The following PRKAG2 variants were observed in gnomAD, a reference collection of about 807,000 sequenced individuals.
The protein encoded by PRKAG2 is 5'-AMP-activated protein kinase subunit gamma-2.
In PRKAG2, 26 loss-of-function variants were observed where a neutral mutation model predicts 69.6. The ratio of observed to expected loss-of-function variants is 0.37; its 90% CI spans 0.27 to 0.52. PRKAG2 has a LOEUF of 0.52. PRKAG2 is among the 20% of genes least tolerant of loss of function. PRKAG2 has a pLI of 0.90. For synonymous variants in PRKAG2, 293 were observed against 285.0 expected (o/e 1.03, Z -0.28); for missense variants, 557 against 740.0 (o/e 0.75, Z 2.87).
intron 6 of PRKAG2, among the ~76,000 whole-genome samples, chr7:151,594,194 T>C (rs1387873654): frequency 6.6e-6 from 1 of 152,236 alleles, no homozygotes; most frequent in Non-Finnish European, 1.5e-5. Flanking sequence ...GGGCCCTTGC[T>C]GGGTGTCTTC....
intron 5 of PRKAG2, among the ~76,000 whole-genome samples, chr7:151,597,820 G>GT (rs796251222): frequency 8.0e-6 from 1 of 124,806 alleles, no homozygotes; most frequent in Non-Finnish European, 1.6e-5. Flanking sequence ...ACAAAAGGGA[G>GT]CCCCCCCCCC....
intron 3 of PRKAG2, among the ~76,000 whole-genome samples, chr7:151,738,444 A>G (rs541975262): frequency 3.3e-5 from 5 of 152,406 alleles, no homozygotes; most frequent in African/African-American, 1.2e-4. Flanking sequence ...AAAACTGGCC[A>G]TAAACAAAAT....
intron 1 of PRKAG2, among the ~76,000 whole-genome samples, chr7:151,871,927 C>A (rs1316474263): frequency 1.3e-5 from 2 of 152,164 alleles, no homozygotes; most frequent in Non-Finnish European, 2.9e-5. Context: ...CCGAGGAGGC[C>A]ACCAAATGAC....
intron 1 of PRKAG2, among the ~76,000 whole-genome samples, chr7:151,832,404 A>G (rs901032483): frequency 9.9e-5 from 15 of 152,158 alleles, no homozygotes; most frequent in African/African-American, 3.4e-4. Context: ...CAGTGTTCAC[A>G]GTGCCTTCCC....
intron 4 of PRKAG2, among the ~76,000 whole-genome samples, chr7:151,651,359 C>A (rs376117742): frequency 7.2e-5 from 11 of 152,314 alleles, no homozygotes; most frequent in African/African-American, 2.6e-4. Flanking sequence ...GTAATCCCAG[C>A]ACTTTGGGAG....
chr7:151,615,302 T>C (rs1819842549), intron 5 of PRKAG2, among the ~76,000 whole-genome samples: 1 of 152,250 alleles, frequency 6.6e-6, no homozygotes, highest in Admixed American at 6.5e-5. Context: ...TTTGATTCCA[T>C]GTCTTTGCTA....
chr7:151,769,843 G>A (rs1393775746), intron 3 of PRKAG2, among the ~76,000 whole-genome samples: 1 of 152,200 alleles, frequency 6.6e-6, no homozygotes, highest in Non-Finnish European at 1.5e-5. Flanking sequence ...CATAGAGTGG[G>A]CACCTAACCT....
chr7:151,736,201 CCA>C, intron 3 of PRKAG2: 7 of 1,407,796 alleles, frequency 5.0e-6, no homozygotes, highest in Admixed American at 2.9e-5. Context: ...CACCGCAGCC[CCA>C]GAGTCTGTGA....
intron 3 of PRKAG2, among the ~76,000 whole-genome samples, chr7:151,698,821 A>G (rs906759615): frequency 2.0e-5 from 3 of 152,204 alleles, no homozygotes; most frequent in Non-Finnish European, 2.9e-5. Flanking sequence ...TTTTGAGGGA[A>G]TCCACATTAC....
chr7:151,807,343 T>C lies in PRKAG2; in HGVS notation c.115-20802A>G. The C allele has an allele frequency of 4.5e-6, 2 of 446,140 alleles. No individual in the cohort carries two copies. The highest frequency in any genetic ancestry group is 9.2e-6 in the Non-Finnish European group (2 of 218,068). The allele number at this position is 446,140 out of a possible 1,614,324, so 27.6% of individuals were successfully genotyped here. A position where few individuals can be genotyped will look rare whatever the true frequency, so the allele number is the denominator to read the frequency against. ...GGGAAAATGCCTATATTAAGAATCC[T>C]GGAATACTCCATGTGCTTTTTCATG... On this transcript the variant is annotated intron_variant, in intron 1 of 15. Transcript: ENST00000287878. This position sits in a 1 kb window ranked among gnomAD's most constrained non-coding sequence, Gnocchi z 4.4.
intron 5 of PRKAG2, among the ~76,000 whole-genome samples, chr7:151,604,312 G>A (rs1471090627): frequency 6.6e-6 from 1 of 152,220 alleles, no homozygotes; most frequent in African/African-American, 2.4e-5. Context: ...TTAGCATGGT[G>A]CAGCGGTTAT....
At chr7:151,585,248 G>GT in intron 6 of PRKAG2, among the ~76,000 whole-genome samples, 1 of 152,256 alleles carries the variant, frequency 6.6e-6, no homozygotes, top group South Asian at 2.1e-4. Flanking sequence ...CAGGTTGAAC[G>GT]TAAGTGATAT....
At chr7:151,794,238 T>A (rs760425593) in intron 1 of PRKAG2, among the ~76,000 whole-genome samples, 1 of 152,220 alleles carries the variant, frequency 6.6e-6, no homozygotes, top group Non-Finnish European at 1.5e-5. Flanking sequence ...ACCCGGGGCT[T>A]CCCTAGCTCC....
intron 5 of PRKAG2, among the ~76,000 whole-genome samples, chr7:151,613,133 C>T (rs779559925): frequency 2.7e-4 from 41 of 152,188 alleles, no homozygotes; most frequent in Non-Finnish European, 5.0e-4. Context: ...TAAGACTGGG[C>T]AGATGGAAGA....
At chr7:151,779,115 G>C (rs2076545789) in intron 3 of PRKAG2, among the ~76,000 whole-genome samples, 1 of 152,232 alleles carries the variant, frequency 6.6e-6, no homozygotes, top group African/African-American at 2.4e-5. Flanking sequence ...ACAGTTGAAA[G>C]AGATTGAAAA....
At chr7:151,686,512 T>C (rs1834766176) in intron 3 of PRKAG2, among the ~76,000 whole-genome samples, 1 of 152,138 alleles carries the variant, frequency 6.6e-6, no homozygotes. Context: ...GAATGATGCC[T>C]CGTCCCCGGG....
At chr7:151,585,151 T>C (rs1441414026) in intron 6 of PRKAG2, among the ~76,000 whole-genome samples, 3 of 152,220 alleles carry the variant, frequency 2.0e-5, no homozygotes, top group African/African-American at 7.2e-5. Context: ...TCAGCACTGG[T>C]AGCTAGAAGA....
chr7:151,811,115 C>T (rs564248820), intron 1 of PRKAG2, among the ~76,000 whole-genome samples: 3 of 152,340 alleles, frequency 2.0e-5, no homozygotes, highest in Non-Finnish European at 2.9e-5. Context: ...TCGCCTCAGT[C>T]GCCTGATGAA....
intron 1 of PRKAG2, among the ~76,000 whole-genome samples, chr7:151,799,812 CAGGCAGCTACCAGAT>C (rs1233140266): frequency 1.3e-5 from 2 of 152,168 alleles, no homozygotes; most frequent in African/African-American, 4.8e-5. Flanking sequence ...GGCCACGCTG[CAGGCAGCTACCAGAT>C]AGGACATGAA....
Sources: gnomAD v4.1 joint callset for allele counts (sites outside exome capture counted in the v4.1 genomes callset) on GRCh38, gnomAD v4.1.1 for gene constraint, Gnocchi (gnomAD v3.1) non-coding constraint, MANE v1.5 for transcripts, NCBI Gene and HGNC (gene_info 2026-07-23, HGNC 2026-07-21) for gene names.